Variants in UGT2B11 observed in about 807,000 individuals in gnomAD.
The protein encoded by UGT2B11 is UDP-glucuronosyltransferase 2B11.
In UGT2B11, 49 loss-of-function variants were observed where a neutral mutation model predicts 51.7. That is an observed-to-expected ratio of 0.95 (90% CI 0.75 to 1.20). The LOEUF (loss-of-function observed/expected upper bound fraction) is 1.20, where lower values mean the gene tolerates loss of function less well. Among genes scored for constraint, UGT2B11 ranks in the 50% most tolerant of loss-of-function variants. The pLI is 0.00. For synonymous variants in UGT2B11, 273 were observed against 209.0 expected, an observed-to-expected ratio of 1.31 and a Z score of -2.64; for missense variants, 810 against 622.1, an observed-to-expected ratio of 1.30 and a Z score of -3.21.
At chr4:69,213,337 CATATT>C (rs2109954562) in intron 1 of UGT2B11, among the ~76,000 whole-genome samples, 1 of 151,816 alleles carries the variant, frequency 6.6e-6, no homozygotes, top group South Asian at 2.1e-4. Flanking sequence ...TAATCTGTCT[CATATT>C]TTTAAATAAA....
At chr4:69,211,639 G>A (rs554850874) in intron 2 of UGT2B11, among the ~76,000 whole-genome samples, 1 of 151,556 alleles carries the variant, frequency 6.6e-6, no homozygotes, top group African/African-American at 2.4e-5. Context: ...ACAATATGAA[G>A]TTGGCACTAT....
chr4:69,214,211 C>T lies in UGT2B11; in HGVS notation c.512G>A (p.Ser171Asn). 2 of 1,613,214 alleles carry T rather than the reference C, an allele frequency of 1.2e-6. No individual in the cohort carries two copies. Among genetic ancestry groups the T allele is most frequent in the Non-Finnish European group, 1.7e-6 (2 of 1,179,472 alleles). ...TGTGTAGCCAGGAGTAAAGCGGAGA[C>T]TGTACACAAACCGTATGTTAAGTAG... The part of the protein sequence containing the change: ...AALLNIRFVY[S>N]LRFTPGYTIE... Residue 171 changes from serine to asparagine, a missense_variant, in exon 1 of 6, where the codon AGT (serine) becomes AAT (asparagine). By Grantham distance (46) the Ser-to-Asn change is conservative. Coordinates refer to ENST00000446444, the MANE Select transcript of UGT2B11 (RefSeq NM_001073.3).
At position 69,204,760 on chromosome 4, in the gene UGT2B11, T is replaced by C. The variant is rs1721787603; in HGVS notation, c.1091-111A>G. ...TAGATAACACATTGAACTAATTTGC[T>C]ATTACTTTTCAGACTTCAGATGAAA... is the stretch of plus-strand genomic sequence containing the variant. On this transcript the variant is annotated intron_variant, in intron 4 of 5. Transcript: ENST00000446444. The C allele has an allele frequency of 2.6e-6, 4 of 1,538,232 alleles. 1 individual carries two copies. In the South Asian group the frequency reaches 3.5e-5, roughly 14 times the overall value.
At chr4:69,212,091 A>G (rs1213680291) in intron 2 of UGT2B11, among the ~76,000 whole-genome samples, 3 of 151,596 alleles carry the variant, frequency 2.0e-5, no homozygotes, top group Non-Finnish European at 1.5e-5. Flanking sequence ...GATACTTTCT[A>G]TTATCTCCAC....
intron 2 of UGT2B11, among the ~76,000 whole-genome samples, chr4:69,210,162 A>T (rs1378100531): frequency 6.6e-6 from 1 of 151,536 alleles, no homozygotes; most frequent in Admixed American, 6.6e-5. Flanking sequence ...TGATGGTGTA[A>T]TTGAACATTT....
chr4:69,214,492 A>G lies in UGT2B11; in HGVS notation c.231T>C (p.Tyr77=), dbSNP rs1302446711. Residue 77 remains tyrosine, a synonymous_variant, in exon 1 of 6, where the codon TAT becomes TAC. Coordinates refer to ENST00000446444, the MANE Select transcript of UGT2B11 (RefSeq NM_001073.3). The stretch of plus-strand genomic sequence containing the variant: ...ATTCAGTTTTAGTTAAAGATGTAGG[A>G]TAAACTTCAAATTTAAGAGTGGATG... The part of the protein sequence containing the change: ...NDASTLKFEV[Y]PTSLTKTEFE... 4 of 1,613,240 alleles carry G rather than the reference A, an allele frequency of 2.5e-6. No individual in the cohort carries two copies. The Admixed American group carries it at 5.0e-5, about 20-fold the overall frequency.
At chr4:69,222,172 G>A in the UGT2B11 span, among the ~76,000 whole-genome samples, 1 of 152,252 alleles carries the variant, frequency 6.6e-6, no homozygotes, top group Non-Finnish European at 1.5e-5. Context: ...AGGTTGCCAG[G>A]TTTAATAATA....
rs1236936121 is a variant in UGT2B11 at position 69,213,405 on chromosome 4, A to C, written c.721+597T>G. ...ATATAACAACCTTCACACTTCAACA[A>C]GATAATTGGACTTCAAATGCATGAT... is the stretch of plus-strand genomic sequence containing the variant. On this transcript the variant is annotated intron_variant, in intron 1 of 5. Coordinates refer to ENST00000446444, the MANE Select transcript of UGT2B11 (RefSeq NM_001073.3). Among the ~76,000 whole-genome samples the C allele has an allele frequency of 2.0e-5, 3 of 151,796 alleles. 1 individual carries two copies. Among genetic ancestry groups the C allele is most frequent in the Admixed American group, 2.0e-4 (3 of 15,198 alleles).
the UGT2B11 span, among the ~76,000 whole-genome samples, chr4:69,220,593 G>T: frequency 1.2e-5 from 1 of 81,704 alleles, no homozygotes; most frequent in Non-Finnish European, 2.8e-5. Flanking sequence ...TGACAAGGAG[G>T]TTAAAAATGC....
At position 69,212,677 on chromosome 4, in the gene UGT2B11, A is replaced by G. The variant is rs564388313; in HGVS notation, c.766T>C (p.Trp256Arg). 25 of 1,609,896 alleles carry G rather than the reference A, an allele frequency of 1.6e-5. No individual in the cohort carries two copies. The African/African-American group carries it at 2.3e-4, about 15-fold the overall frequency. ...AAACTCCAGGAGTTTCGCATAAGCC[A>G]TATGTCAGCTTTTCCCATTGTCTCA... ...LFETMGKADI[W>R]LMRNSWSFQF... Residue 256 changes from tryptophan to arginine, a missense_variant, in exon 2 of 6, where the codon TGG becomes CGG. Transcript: ENST00000446444.
chr4:69,215,510 T>A (rs1037975275), upstream of UGT2B11: 1 of 152,176 alleles, frequency 6.6e-6, no homozygotes, highest in East Asian at 1.9e-4. Context: ...TAAACACAAT[T>A]TATTTATTCA....
intron 5 of UGT2B11, among the ~76,000 whole-genome samples, chr4:69,202,306 G>T (rs1029276774): frequency 4.0e-5 from 6 of 151,708 alleles, no homozygotes; most frequent in African/African-American, 9.7e-5. Flanking sequence ...GAGTAGAATT[G>T]CTGAGATAAA....
intron 5 of UGT2B11, 174 bp downstream of exon 5, chr4:69,204,256 T>C (rs1351589846): frequency 1.8e-6 from 2 of 1,099,710 alleles, no homozygotes; most frequent in African/African-American, 3.2e-5. Context: ...ATGTATGGGA[T>C]TCAAACACAA....
chr4:69,211,955 A>G (rs998490237), intron 2 of UGT2B11, among the ~76,000 whole-genome samples: 3 of 151,400 alleles, frequency 2.0e-5, no homozygotes, highest in Non-Finnish European at 4.4e-5. Context: ...TGAAAACAAA[A>G]CCTGAGGACT....
At chr4:69,222,859 G>A in the UGT2B11 span, among the ~76,000 whole-genome samples, 26 of 152,296 alleles carry the variant, frequency 1.7e-4, no homozygotes, top group East Asian at 4.6e-3. Flanking sequence ...TGCCTTATAA[G>A]CACCCAAGTT....
the UGT2B11 span, among the ~76,000 whole-genome samples, chr4:69,222,862 C>T: frequency 6.6e-6 from 1 of 152,164 alleles, no homozygotes. Flanking sequence ...CTTATAAGCA[C>T]CCAAGTTTAA....
At chr4:69,208,858 A>G (rs1424440442) in intron 2 of UGT2B11, among the ~76,000 whole-genome samples, 1 of 151,546 alleles carries the variant, frequency 6.6e-6, no homozygotes, top group Admixed American at 6.6e-5. Context: ...CTTTAATCCT[A>G]TGTTTTTGTT....
At chr4:69,224,918 C>A in the UGT2B11 span, among the ~76,000 whole-genome samples, 394 of 152,224 alleles carry the variant, frequency 2.6e-3, no homozygotes, top group African/African-American at 8.7e-3. Context: ...GAGCCAGAAA[C>A]AAAGACAATT....
At chr4:69,217,935 A>G (rs1299478415), upstream of UGT2B11, among the ~76,000 whole-genome samples, 1 of 152,120 alleles carries the variant, frequency 6.6e-6, no homozygotes, top group African/African-American at 2.4e-5. Flanking sequence ...AGTTCTTGTG[A>G]GCAAATTTTG....
Sources: allele counts gnomAD v4.1 joint callset (sites outside exome capture counted in the v4.1 genomes callset), GRCh38; gene constraint gnomAD v4.1.1; transcripts MANE v1.5; gene names NCBI Gene and HGNC (gene_info 2026-07-23, HGNC 2026-07-21).